The following EMB variants were observed in gnomAD, a reference collection of about 807,000 sequenced individuals.
The protein encoded by EMB is embigin.
In EMB, 31 loss-of-function variants were observed where a neutral mutation model predicts 41.4. The observed-to-expected ratio is 0.75, with a 90% CI of 0.56 to 1.01. The LOEUF (loss-of-function observed/expected upper bound fraction) is 1.01, where lower values mean the gene tolerates loss of function less well. EMB is among the 50% of genes least tolerant of loss of function. The pLI, the probability that EMB is intolerant of heterozygous loss-of-function variation, is 0.00. For synonymous variants in EMB, 137 were observed against 140.4 expected (o/e 0.98, Z 0.17); for missense variants, 379 against 388.3 (o/e 0.98, Z 0.20).
chr5:50,417,003 G>A (rs542139562), intron 2 of EMB, among the ~76,000 whole-genome samples: 34 of 152,180 alleles, frequency 2.2e-4, no homozygotes, highest in African/African-American at 8.2e-4. Flanking sequence ...CACTGCCCAG[G>A]GGTACCCCTG....
At chr5:50,426,729 A>G (rs182327115) in intron 2 of EMB, among the ~76,000 whole-genome samples, 102 of 152,308 alleles carry the variant, frequency 6.7e-4, no homozygotes, top group African/African-American at 2.3e-3. Flanking sequence ...ATATTGATAC[A>G]TATCAATGTT....
intron 3 of EMB, 34 bp from the exon 4 acceptor site, chr5:50,410,999 G>A: frequency 2.0e-6 from 3 of 1,471,752 alleles, no homozygotes; most frequent in Non-Finnish European, 2.8e-6. Flanking sequence ...TATAGGCTTA[G>A]TTCTCAAAAC....
intron 1 of EMB, among the ~76,000 whole-genome samples, chr5:50,439,555 G>A (rs1381502932): frequency 6.6e-6 from 1 of 150,384 alleles, no homozygotes; most frequent in East Asian, 1.9e-4. Context: ...TTGAACTCCT[G>A]GATTCCAGCC....
At chr5:50,429,671 G>T (rs1348301499) in intron 1 of EMB, among the ~76,000 whole-genome samples, 2 of 151,926 alleles carry the variant, frequency 1.3e-5, no homozygotes, top group African/African-American at 4.8e-5. Context: ...ATGTATCTCA[G>T]AACTTATAAT....
At chr5:50,403,506 C>T (rs1745201475) in intron 5 of EMB, 52 bp from the exon 6 acceptor site, 5 of 1,567,146 alleles carry the variant, frequency 3.2e-6, no homozygotes, top group Non-Finnish European at 4.3e-6. Context: ...ATAAAAGATA[C>T]ATGACATAGT....
At chr5:50,405,645 G>C (rs1396987620) in intron 5 of EMB, 80 bp downstream of exon 5, 1 of 1,485,614 alleles carries the variant, frequency 6.7e-7, no homozygotes, top group South Asian at 1.4e-5. Context: ...TAGGAATGCT[G>C]AGTCTGTTAC....
intron 2 of EMB, among the ~76,000 whole-genome samples, chr5:50,426,685 T>C (rs1445486221): frequency 5.9e-5 from 9 of 152,136 alleles, no homozygotes; most frequent in South Asian, 2.1e-4. Flanking sequence ...TTATAAGTAT[T>C]GTTTCTAGAC....
Position 50,419,266 on chromosome 5 carries a change from A to ATT in EMB, c.197-7884_197-7883insAA, listed in dbSNP as rs368092227. Among the ~76,000 whole-genome samples, 1,131 of 152,310 alleles carry ATT rather than the reference A, an allele frequency of 7.4e-3. 5 individuals are homozygous for ATT. Among genetic ancestry groups the ATT allele is most frequent in the Non-Finnish European group, 0.012 (844 of 68,020 alleles). ...TTACAAATCAAAATCATCTCAAGCC[A>ATT]TAACAACTTGCCTCCAATCTTTATA... On this transcript the variant is annotated intron_variant, in intron 2 of 8. Transcript: ENST00000303221.
chr5:50,405,057 C>T (rs1425368244), intron 5 of EMB, among the ~76,000 whole-genome samples: 3 of 151,856 alleles, frequency 2.0e-5, no homozygotes, highest in Non-Finnish European at 4.4e-5. Flanking sequence ...GGACAATGTC[C>T]TAAATTTTCC....
At chr5:50,402,344 C>T in intron 6 of EMB, 25 bp from the exon 7 acceptor site, 1 of 1,606,078 alleles carries the variant, frequency 6.2e-7, no homozygotes, top group South Asian at 1.1e-5. Context: ...AAGAATTTGA[C>T]TGTGAAGTTG....
At chr5:50,422,047 A>T (rs999289492) in intron 2 of EMB, among the ~76,000 whole-genome samples, 11 of 151,808 alleles carry the variant, frequency 7.2e-5, no homozygotes, top group African/African-American at 2.2e-4. Context: ...AAGTATAATT[A>T]AAAAAAAGAA....
intron 2 of EMB, among the ~76,000 whole-genome samples, chr5:50,413,616 C>A (rs13357429): frequency 0.39 from 59,002 of 149,548 alleles, 12,149 homozygotes; most frequent in African/African-American, 0.51. Context: ...AGCCTCGTTG[C>A]CCAGGCTGGA....
rs781246096 is a variant in EMB, at chr5:50,441,092, G to C, written c.60C>G (p.Leu20=). 383 of 1,520,572 alleles carry C rather than the reference G, an allele frequency of 2.5e-4. 5 individuals are homozygous for C. In the African/African-American group the frequency reaches 4.4e-3, roughly 18 times the overall value. 94.2% of individuals were successfully genotyped at this position (1,520,572 alleles called of 1,614,324 possible). Residue 20 remains leucine (L), a synonymous_variant, in exon 1 of 9, where the codon CTC becomes CTG. Coordinates refer to ENST00000303221, the MANE Select transcript of EMB (RefSeq NM_198449.3). ...ARARTPRLLL[L]QCLLAAARPS... is the part of the protein sequence containing the mutation. Reference sequence around the variant, plus strand: ...GGCGCGCGGCAGCGAGAAGGCACTGGAGGAGGAGCAGCCGGGGCGTACGCG... The same window carrying C: ...GGCGCGCGGCAGCGAGAAGGCACTGCAGGAGGAGCAGCCGGGGCGTACGCG...
intron 6 of EMB, among the ~76,000 whole-genome samples, chr5:50,402,876 CAAAAAAAAAAAA>C (rs564451334): frequency 5.5e-5 from 3 of 54,652 alleles, no homozygotes; most frequent in Non-Finnish European, 1.1e-4. Context: ...CCAGTAGCAC[CAAAAAAAAAAAA>C]AAAAAAAAAA....
intron 4 of EMB, among the ~76,000 whole-genome samples, chr5:50,409,113 A>G (rs1745293026): frequency 6.6e-6 from 1 of 152,158 alleles, no homozygotes; most frequent in Non-Finnish European, 1.5e-5. Flanking sequence ...TTTAAATCCT[A>G]GGCCTTGGGT....
chr5:50,423,429 T>C (rs1190982298), intron 2 of EMB, among the ~76,000 whole-genome samples: 1 of 152,198 alleles, frequency 6.6e-6, no homozygotes, highest in African/African-American at 2.4e-5. Context: ...TGAACCTGCT[T>C]TGTCTTTTTA....
At chr5:50,423,786 C>CAT (rs1745565103) in intron 2 of EMB, among the ~76,000 whole-genome samples, 1 of 152,090 alleles carries the variant, frequency 6.6e-6, no homozygotes, top group Non-Finnish European at 1.5e-5. Flanking sequence ...AGGACAGGCC[C>CAT]ACGTCTTTAA....
At chr5:50,441,899 T>C (rs545396345), upstream of EMB, among the ~76,000 whole-genome samples, 18 of 152,300 alleles carry the variant, frequency 1.2e-4, no homozygotes, top group South Asian at 3.1e-3. Context: ...TGAGAGTAGA[T>C]ACTATGTAAA....
At chr5:50,427,986 TCAC>T (rs1745647959) in intron 2 of EMB, among the ~76,000 whole-genome samples, 155 bp downstream of exon 2, 1 of 152,170 alleles carries the variant, frequency 6.6e-6, no homozygotes, top group African/African-American at 2.4e-5. Context: ...TAAAACGTCC[TCAC>T]CACATTAGAT....
Sources: allele counts gnomAD v4.1 joint callset (sites outside exome capture counted in the v4.1 genomes callset), GRCh38; gene constraint gnomAD v4.1.1; transcripts MANE v1.5; gene names NCBI Gene and HGNC (gene_info 2026-07-23, HGNC 2026-07-21).